COA6: variants seen among roughly 807,000 people sequenced by gnomAD.
COA6 encodes cytochrome c oxidase assembly factor 6.
A neutral mutation model predicts 17.1 loss-of-function variants in COA6; 12 were observed. The ratio of observed to expected loss-of-function variants is 0.70; its 90% CI spans 0.45 to 1.14. The LOEUF (loss-of-function observed/expected upper bound fraction) is 1.14. Among genes scored for constraint, COA6 ranks in the 50% most tolerant of loss-of-function variants. The pLI is 0.00. For missense variants in COA6, 246 were observed against 196.5 expected (o/e 1.25, Z -1.51); for synonymous variants, 90 against 73.4 (o/e 1.23, Z -1.16).
chr1:234,380,385 T>G (rs749116386), intron 2 of COA6, among the ~76,000 whole-genome samples: 1 of 152,252 alleles, frequency 6.6e-6, no homozygotes, highest in Non-Finnish European at 1.5e-5. Context: ...TTGTATCTGC[T>G]TTATACAATA....
intron 2 of COA6, among the ~76,000 whole-genome samples, chr1:234,377,793 G>T (rs560554770): frequency 2.3e-4 from 35 of 152,368 alleles, no homozygotes; most frequent in African/African-American, 8.4e-4. Flanking sequence ...GCACAGCGGG[G>T]AGTGCGTGCA....
At chr1:234,378,046 T>G (rs746133114) in intron 2 of COA6, among the ~76,000 whole-genome samples, 1 of 152,230 alleles carries the variant, frequency 6.6e-6, no homozygotes, top group Non-Finnish European at 1.5e-5. Flanking sequence ...GGAAGGAGTA[T>G]GACAGTTAAT....
Position 234,374,389 on chromosome 1 carries a change from G to T in COA6, c.372G>T (p.Trp124Cys). 6.2e-7 allele frequency: 1 copy of T among 1,613,692 alleles called. No individual in the cohort carries two copies. The change falls in exon 2 of 3, where the codon TGG (tryptophan) becomes TGT (cysteine). Residue 124 changes from tryptophan (W) to cysteine (C), a missense_variant and splice_region_variant. Transcript: ENST00000366615. ...TCGAATCAAGTTGTCCCCAACAGTG[G>T]GTAAGTCACACTTTGATGTGTTTCT... Reference protein sequence around the residue: ...SSFESSCPQQWIKYFDKRRDY... With the variant: ...SSFESSCPQQCIKYFDKRRDY...
rs746585567 is a variant in COA6, at chr1:234,373,528, T to C, written c.62T>C (p.Leu21Pro). 1.2e-6 allele frequency: 2 copies of C among 1,609,040 alleles called. No individual in the cohort carries two copies. Among genetic ancestry groups the C allele is most frequent in the South Asian group, 1.1e-5 (1 of 90,902 alleles). ...RFRRVSCFLR[L>P]GRSTLLELEP... The stretch of plus-strand genomic sequence containing the variant: ...CGCCGCGTGAGTTGCTTTTTGCGGC[T>C]GGGGAGGTCTACGCTTCTAGAGCTT... Residue 21 changes from leucine to proline, a missense_variant, in exon 1 of 3, where the codon CTG becomes CCG. Coordinates refer to ENST00000366615, the MANE Select transcript of COA6 (RefSeq NM_001206641.3).
chr1:234,373,599 C>G lies in COA6; in HGVS notation c.133C>G (p.Leu45Val). The G allele has an allele frequency of 6.2e-7, 1 of 1,612,636 alleles. No individual in the cohort carries two copies. Among genetic ancestry groups the G allele is most frequent in the Non-Finnish European group, 8.5e-7 (1 of 1,179,566 alleles). Residue 45 changes from leucine (L) to valine (V), a missense_variant, in exon 1 of 3, where the codon CTC (leucine) becomes GTC (valine). Leu to Val is a conservative substitution (Grantham distance 32). Transcript: ENST00000366615. ...PCSGRTRHRALHRRLVACVTV... is the reference protein window; with the variant it reads ...PCSGRTRHRAVHRRLVACVTV... Reference sequence around the variant, plus strand: ...CAGTGGCAGGACTCGGCACCGCGCCCTCCACCGCCGGTTGGTGGCCTGCGT... The same window carrying G: ...CAGTGGCAGGACTCGGCACCGCGCCGTCCACCGCCGGTTGGTGGCCTGCGT...
chr1:234,374,434 C>T (rs745789319), intron 2 of COA6, 45 bp downstream of exon 2: 124 of 1,591,282 alleles, frequency 7.8e-5, no homozygotes, highest in Non-Finnish European at 9.8e-5. Flanking sequence ...TAAGATACAT[C>T]GAGCTTATAC....
chr1:234,377,439 AAG>A (rs774098724), intron 2 of COA6, among the ~76,000 whole-genome samples: 23 of 151,928 alleles, frequency 1.5e-4, no homozygotes, highest in Non-Finnish European at 3.2e-4. Flanking sequence ...CTCTTCTTAT[AAG>A]GACATTAATC....
At position 234,384,409 on chromosome 1, in the gene COA6, A is replaced by G. The variant is rs1553268946; in HGVS notation, c.*591A>G. Among the ~76,000 whole-genome samples the G allele has an allele frequency of 2.0e-5, 3 of 152,206 alleles. No homozygotes were observed. The highest frequency in any genetic ancestry group is 4.4e-5 in the Non-Finnish European group (3 of 68,036). ...CTAGCTCTACTCACATATAATAAAT[A>G]CTATCTTATAGAATGTACCAATGGA... On this transcript the variant is annotated 3_prime_UTR_variant, in exon 3 of 3. Coordinates refer to ENST00000366615, the MANE Select transcript of COA6 (RefSeq NM_001206641.3).
At chr1:234,379,302 G>T (rs556916541) in intron 2 of COA6, among the ~76,000 whole-genome samples, 157 of 152,214 alleles carry the variant, frequency 1.0e-3, no homozygotes, top group African/African-American at 3.7e-3. Context: ...GGGACTGGTT[G>T]GCTGTTGGCA....
intron 2 of COA6, among the ~76,000 whole-genome samples, chr1:234,378,925 C>T (rs1368962441): frequency 2.0e-5 from 3 of 150,956 alleles, no homozygotes; most frequent in Non-Finnish European, 4.4e-5. Flanking sequence ...AAACCTGCAC[C>T]GATGTGTTTA....
chr1:234,374,107 T>A, intron 1 of COA6, 123 bp from the exon 2 acceptor site: 1 of 1,070,650 alleles, frequency 9.3e-7, no homozygotes, highest in Non-Finnish European at 1.3e-6. Context: ...TTTTGTTTTG[T>A]TTTTGTTTTT....
At chr1:234,383,061 AGGG>A (rs1219139237) in intron 2 of COA6, among the ~76,000 whole-genome samples, 7 of 18,686 alleles carry the variant, frequency 3.7e-4, no homozygotes, top group African/African-American at 1.2e-3. Context: ...GGAGGGAGGG[AGGG>A]AGGGAAGGGA....
Position 234,373,558 on chromosome 1 carries a change from C to T in COA6, c.92C>T (p.Pro31Leu). 1.9e-6 allele frequency: 3 copies of T among 1,612,000 alleles called. No individual in the cohort carries two copies. Among genetic ancestry groups the T allele is most frequent in the Non-Finnish European group, 2.5e-6 (3 of 1,179,346 alleles). The change falls in exon 1 of 3, where the codon CCA (proline) becomes CTA (leucine). Residue 31 changes from proline (P) to leucine (L), a missense_variant. Pro to Leu is a moderately conservative substitution (Grantham distance 98, BLOSUM62 -3). Coordinates refer to ENST00000366615, the MANE Select transcript of COA6 (RefSeq NM_001206641.3). ...LGRSTLLELEPAGRPCSGRTR... is the reference protein window; with the variant it reads ...LGRSTLLELELAGRPCSGRTR... ...AGGTCTACGCTTCTAGAGCTTGAGC[C>T]AGCGGGGCGACCCTGCAGTGGCAGG...
chr1:234,374,470 G>A lies in COA6; in HGVS notation c.372+81G>A, dbSNP rs983098049. On this transcript the variant is annotated intron_variant, in intron 2 of 2. Coordinates refer to ENST00000366615, the MANE Select transcript of COA6 (RefSeq NM_001206641.3). ...TGTGAGTGGTAGGCTGACATGAAGC[G>A]CTCTCTGAGGCATGTCAATTAACAG... is the stretch of plus-strand genomic sequence containing the variant. 5.0e-5 allele frequency: 68 copies of A among 1,357,144 alleles called. No homozygotes were observed. The African/African-American group carries it at 8.8e-4, about 18-fold the overall frequency. 84.1% of individuals were successfully genotyped at this position (1,357,144 alleles called of 1,614,324 possible).
chr1:234,373,766 G>T lies in COA6; in HGVS notation c.212+88G>T, dbSNP rs1429911637. 5 of 1,613,720 alleles carry T rather than the reference G, an allele frequency of 3.1e-6. No homozygotes were observed. The Middle Eastern group carries it at 5.2e-4, about 168-fold the overall frequency. On this transcript the variant is annotated intron_variant, in intron 1 of 2. Coordinates refer to ENST00000366615, the MANE Select transcript of COA6 (RefSeq NM_001206641.3). ...TGTCCCCGAGCCGCGGGTTCCTCTT[G>T]TGCAAAACGGGGTGGCACTCCAATC...
chr1:234,378,797 C>T (rs770035299), intron 2 of COA6, among the ~76,000 whole-genome samples: 4 of 151,948 alleles, frequency 2.6e-5, no homozygotes, highest in East Asian at 3.9e-4. Flanking sequence ...TGCTTGAACC[C>T]GGGAGGTGGA....
At position 234,384,840 on chromosome 1, in the gene COA6, A is replaced by C. The variant is rs1659082091; in HGVS notation, c.*1022A>C. ...GTATTAGGTATTGTAAGTCATTGAG[A>C]TGATTTAAAGTATAGGCATACCTCA... On this transcript the variant is annotated 3_prime_UTR_variant, in exon 3 of 3. Coordinates refer to ENST00000366615, the MANE Select transcript of COA6 (RefSeq NM_001206641.3). Among the ~76,000 whole-genome samples, 1 of 152,260 alleles carries C rather than the reference A, an allele frequency of 6.6e-6. No homozygotes were observed. Among genetic ancestry groups the C allele is most frequent in the Non-Finnish European group, 1.5e-5 (1 of 68,042 alleles).
chr1:234,383,693 C>A, intron 2 of COA6, 30 bp from the exon 3 acceptor site: 1 of 926,478 alleles, frequency 1.1e-6, no homozygotes, highest in South Asian at 1.4e-5. Context: ...ATAACTTGCC[C>A]TTATTTCAAA....
At chr1:234,383,573 GACACACACAC>G (rs60042887) in intron 2 of COA6, 140 bp from the exon 3 acceptor site, 14 of 473,262 alleles carry the variant, frequency 3.0e-5, no homozygotes, top group Non-Finnish European at 5.4e-5. Context: ...AGTTACAGCT[GACACACACAC>G]ACACACACAC....
Sources: allele counts gnomAD v4.1 joint callset (sites outside exome capture counted in the v4.1 genomes callset), GRCh38; gene constraint gnomAD v4.1.1; transcripts MANE v1.5; gene names NCBI Gene and HGNC (gene_info 2026-07-23, HGNC 2026-07-21).